Variants in UGT8 observed in about 807,000 individuals in gnomAD.
UGT8 encodes the protein 2-hydroxyacylsphingosine 1-beta-galactosyltransferase.
In UGT8, 12 loss-of-function variants were observed where a neutral mutation model predicts 40.5. That is an observed-to-expected ratio of 0.30 (90% CI 0.19 to 0.48). UGT8 has a LOEUF of 0.48. Ranked by LOEUF, UGT8 falls within the 20% of genes least tolerant of loss-of-function variation. The pLI, the probability that UGT8 is intolerant of heterozygous loss-of-function variation, is 0.99. For missense variants in UGT8, 513 were observed against 648.7 expected (o/e 0.79, Z 2.27); for synonymous variants, 224 against 240.4 (o/e 0.93, Z 0.63).
At chr4:114,650,177 C>T (rs1288633584) in intron 2 of UGT8, among the ~76,000 whole-genome samples, 1 of 152,112 alleles carries the variant, frequency 6.6e-6, no homozygotes, top group East Asian at 1.9e-4. Context: ...ACATTTGTTG[C>T]CTTTGGAGTT....
chr4:114,647,812 AT>A (rs2126119274), intron 2 of UGT8, among the ~76,000 whole-genome samples: 1 of 152,312 alleles, frequency 6.6e-6, no homozygotes, highest in African/African-American at 2.4e-5. Context: ...AGAAGACAGA[AT>A]TTGAACTCAG....
In UGT8 at chr4:114,623,265, A is replaced by C; in HGVS notation, c.385A>C (p.Lys129Gln). The C allele has an allele frequency of 6.2e-7, 1 of 1,614,188 alleles. No homozygotes were observed. The highest frequency in any genetic ancestry group is 1.1e-5 in the South Asian group (1 of 91,080). Residue 129 changes from lysine (K) to glutamine (Q), a missense_variant, in exon 2 of 6, where the codon AAA (lysine) becomes CAA (glutamine). Lys to Gln is a moderately conservative substitution (Grantham distance 53). Transcript: ENST00000310836. ...CCATGCCCTGATCCAGGGTCTGAAG[A>C]AAGAAAAATTTGACCTGCTGCTGGT... ...GNHALIQGLKKEKFDLLLVDP... is the reference protein window; with the variant it reads ...GNHALIQGLKQEKFDLLLVDP...
At chr4:114,626,173 G>GTT (rs557947503) in intron 2 of UGT8, among the ~76,000 whole-genome samples, 147 of 152,212 alleles carry the variant, frequency 9.7e-4, no homozygotes, top group Non-Finnish European at 1.7e-3. Flanking sequence ...CCTTATTCTG[G>GTT]TGTGGTTTTA....
At chr4:114,665,592 T>C (rs987654415) in intron 3 of UGT8, 88 bp from the exon 4 acceptor site, 3 of 1,272,128 alleles carry the variant, frequency 2.4e-6, no homozygotes, top group East Asian at 2.8e-5. Flanking sequence ...ATCAAACATT[T>C]ATTTTAAATC....
chr4:114,654,254 G>C (rs995119002), intron 2 of UGT8, among the ~76,000 whole-genome samples: 20 of 151,992 alleles, frequency 1.3e-4, no homozygotes, highest in Admixed American at 1.2e-3. Flanking sequence ...TTCAGTGACT[G>C]TTGGTTATGT....
chr4:114,669,189 A>G (rs1735078560), intron 5 of UGT8, among the ~76,000 whole-genome samples: 1 of 152,166 alleles, frequency 6.6e-6, no homozygotes, highest in Non-Finnish European at 1.5e-5. Flanking sequence ...ACTGAAGTTC[A>G]TTATGCTGCC....
intron 2 of UGT8, among the ~76,000 whole-genome samples, chr4:114,639,891 A>T (rs1733102695): frequency 6.6e-6 from 1 of 152,194 alleles, no homozygotes; most frequent in Non-Finnish European, 1.5e-5. Flanking sequence ...AAAGCAATGA[A>T]CTGGAATCAG....
chr4:114,632,318 T>G (rs1578426000), intron 2 of UGT8, among the ~76,000 whole-genome samples: 1 of 152,304 alleles, frequency 6.6e-6, no homozygotes, highest in East Asian at 1.9e-4. Context: ...GTCCTAAAAC[T>G]TCAAAGAAGT....
At chr4:114,641,816 C>G (rs1349117487) in intron 2 of UGT8, among the ~76,000 whole-genome samples, 3 of 152,032 alleles carry the variant, frequency 2.0e-5, no homozygotes, top group Non-Finnish European at 2.9e-5. Flanking sequence ...TCTTTATTGC[C>G]TGAATTAATC....
chr4:114,668,787 G>T (rs910323789), intron 5 of UGT8, among the ~76,000 whole-genome samples: 2 of 152,134 alleles, frequency 1.3e-5, no homozygotes, highest in Admixed American at 1.3e-4. Flanking sequence ...TGGTGTTGCT[G>T]GGTTTCCCTA....
Position 114,675,448 on chromosome 4 carries a change from T to C in UGT8, c.1263-477T>C, listed in dbSNP as rs1350239480. Reference sequence around the variant, plus strand: ...TACATTTTATTGGGTTAACATAAGATAATGTGTTTAGGCCGGGCGCGGTGG... The same window carrying C: ...TACATTTTATTGGGTTAACATAAGACAATGTGTTTAGGCCGGGCGCGGTGG... On this transcript the variant is annotated intron_variant, in intron 5 of 5. Transcript: ENST00000310836. 3.3e-5 allele frequency among the ~76,000 whole-genome samples: 5 copies of C among 152,128 alleles called. No individual in the cohort carries two copies. The East Asian group carries it at 9.6e-4, about 29-fold the overall frequency.
At chr4:114,607,943 C>T (rs1165747807) in intron 1 of UGT8, among the ~76,000 whole-genome samples, 1 of 152,168 alleles carries the variant, frequency 6.6e-6, no homozygotes, top group Non-Finnish European at 1.5e-5. Flanking sequence ...GTCACTTGTC[C>T]TTACTGACCC....
intron 1 of UGT8, among the ~76,000 whole-genome samples, chr4:114,614,256 A>G (rs1731260046): frequency 2.0e-5 from 3 of 152,168 alleles, no homozygotes; most frequent in South Asian, 4.1e-4. Flanking sequence ...CTCTCCTTCA[A>G]GAAGAGGTTC....
chr4:114,621,176 C>T (rs1037563468), intron 1 of UGT8, among the ~76,000 whole-genome samples: 3 of 152,048 alleles, frequency 2.0e-5, no homozygotes, highest in African/African-American at 7.2e-5. Context: ...GAAGTACTGG[C>T]CCTCAAGTGT....
intron 1 of UGT8, among the ~76,000 whole-genome samples, chr4:114,616,403 C>T (rs952418001): frequency 3.3e-5 from 5 of 152,158 alleles, no homozygotes; most frequent in Admixed American, 6.5e-5. Flanking sequence ...CTGAGCCATG[C>T]GGGGGATATA....
chr4:114,632,951 A>C (rs2126106997), intron 2 of UGT8, among the ~76,000 whole-genome samples: 1 of 152,340 alleles, frequency 6.6e-6, no homozygotes, highest in Middle Eastern at 3.4e-3. Context: ...TGACTTGATA[A>C]ATATTGTTAA....
At chr4:114,647,033 G>T (rs1733613324) in intron 2 of UGT8, among the ~76,000 whole-genome samples, 1 of 152,136 alleles carries the variant, frequency 6.6e-6, no homozygotes, top group Non-Finnish European at 1.5e-5. Flanking sequence ...GTTTGATTCT[G>T]TTTGTAGAAG....
intron 2 of UGT8, among the ~76,000 whole-genome samples, chr4:114,637,214 C>A (rs953373642): frequency 1.3e-5 from 2 of 152,160 alleles, no homozygotes; most frequent in Non-Finnish European, 2.9e-5. Flanking sequence ...GGTAAGGCAG[C>A]ATTTTCATCT....
chr4:114,606,595 G>T (rs1448283414), intron 1 of UGT8, among the ~76,000 whole-genome samples: 2 of 152,170 alleles, frequency 1.3e-5, no homozygotes, highest in Non-Finnish European at 2.9e-5. Flanking sequence ...AAGGCCAAGA[G>T]TAAAACTGTT....
Sources: allele counts gnomAD v4.1 joint callset (sites outside exome capture counted in the v4.1 genomes callset), GRCh38; gene constraint gnomAD v4.1.1; transcripts MANE v1.5; gene names NCBI Gene and HGNC (gene_info 2026-07-23, HGNC 2026-07-21).